The following SLIT3 variants were observed in gnomAD, a reference collection of about 807,000 sequenced individuals.
SLIT3 encodes the protein slit homolog 3 protein.
Under a neutral mutation model 184.0 loss-of-function variants are expected in SLIT3, and 68 were observed. The observed-to-expected ratio is 0.37, with a 90% CI of 0.30 to 0.45. The LOEUF is 0.45. Among genes scored for constraint, SLIT3 ranks in the 20% least tolerant of loss-of-function variants. The probability of loss-of-function intolerance (pLI) is 1.00; values close to 1 mark genes in which losing one functional copy is unlikely to be tolerated. For missense variants in SLIT3, 1,707 were observed against 2,026.0 expected (o/e 0.84, Z 3.02); for synonymous variants, 831 against 828.6 (o/e 1.00, Z -0.05).
chr5:169,279,438 G>T (rs62376943), intron 1 of SLIT3, among the ~76,000 whole-genome samples: 1 of 152,084 alleles, frequency 6.6e-6, no homozygotes, highest in African/African-American at 2.4e-5. Flanking sequence ...GAGGTTCTGA[G>T]TTAGGAACTA....
chr5:169,280,028 C>T (rs988158999), intron 1 of SLIT3, among the ~76,000 whole-genome samples: 2 of 152,334 alleles, frequency 1.3e-5, no homozygotes, highest in Middle Eastern at 3.4e-3. Context: ...GCCTGAGACT[C>T]GGAGATTTGC....
At chr5:169,263,194 C>A (rs1766258634) in intron 1 of SLIT3, among the ~76,000 whole-genome samples, 1 of 152,032 alleles carries the variant, frequency 6.6e-6, no homozygotes, top group African/African-American at 2.4e-5. Context: ...AAGAGAAAAC[C>A]AGCCAGGCAT....
At chr5:169,053,326 A>G (rs1490350047) in intron 4 of SLIT3, among the ~76,000 whole-genome samples, 1 of 152,246 alleles carries the variant, frequency 6.6e-6, no homozygotes, top group African/African-American at 2.4e-5. Context: ...AATTGAGTTC[A>G]GTAACTCAAT....
At chr5:168,734,370 C>A (rs955976885) in intron 20 of SLIT3, among the ~76,000 whole-genome samples, 30 of 152,130 alleles carry the variant, frequency 2.0e-4, no homozygotes, top group African/African-American at 7.2e-4. Flanking sequence ...CCTCTGGTTC[C>A]AACTCCACTG....
chr5:168,949,724 C>G (rs974587783), intron 4 of SLIT3, among the ~76,000 whole-genome samples: 2 of 152,112 alleles, frequency 1.3e-5, no homozygotes, highest in South Asian at 4.1e-4. Flanking sequence ...CTCATCCTCC[C>G]TAGTAGCTAG....
At chr5:168,898,543 A>G (rs939445048) in intron 4 of SLIT3, among the ~76,000 whole-genome samples, 1 of 152,218 alleles carries the variant, frequency 6.6e-6, no homozygotes, top group African/African-American at 2.4e-5. Context: ...TGAGATTTAT[A>G]CCAATGAATA....
At chr5:168,783,971 T>G (rs1457974828) in intron 12 of SLIT3, among the ~76,000 whole-genome samples, 1 of 152,204 alleles carries the variant, frequency 6.6e-6, no homozygotes, top group African/African-American at 2.4e-5. Context: ...TTGGTTCTAT[T>G]AACCTCATGG....
chr5:169,118,013 G>C (rs1760748962), intron 4 of SLIT3, among the ~76,000 whole-genome samples: 2 of 152,270 alleles, frequency 1.3e-5, no homozygotes, highest in South Asian at 4.1e-4. Flanking sequence ...CTTCCCACTT[G>C]AATATTTTTG....
At chr5:168,955,627 G>C (rs999450237) in intron 4 of SLIT3, among the ~76,000 whole-genome samples, 2 of 152,224 alleles carry the variant, frequency 1.3e-5, no homozygotes, top group African/African-American at 4.8e-5. Flanking sequence ...CTGCAAGGGG[G>C]CAGGCTTGGG....
At chr5:169,251,334 G>T in intron 2 of SLIT3, 54 bp downstream of exon 2, 3 of 1,257,452 alleles carry the variant, frequency 2.4e-6, no homozygotes, top group Non-Finnish European at 3.5e-6. Flanking sequence ...ACATTTTTTT[G>T]TGAGGCTGAA....
intron 4 of SLIT3, among the ~76,000 whole-genome samples, chr5:169,130,372 G>A (rs1761250601): frequency 6.6e-6 from 1 of 152,214 alleles, no homozygotes; most frequent in African/African-American, 2.4e-5. Flanking sequence ...CATCCTGGTG[G>A]AACTGTAGAA....
intron 13 of SLIT3, among the ~76,000 whole-genome samples, chr5:168,773,390 T>C: frequency 1.3e-5 from 2 of 152,288 alleles, no homozygotes; most frequent in Middle Eastern, 6.8e-3. Context: ...GGTATTGTTG[T>C]AATTATCCTT....
chr5:169,025,068 A>T (rs1048583504), intron 4 of SLIT3: 1 of 152,208 alleles, frequency 6.6e-6, no homozygotes, highest in Non-Finnish European at 1.5e-5. Flanking sequence ...AAAGTATAGG[A>T]AGACTCAGGA....
chr5:168,768,889 T>C (rs1755445268), intron 14 of SLIT3, among the ~76,000 whole-genome samples: 1 of 152,006 alleles, frequency 6.6e-6, no homozygotes, highest in African/African-American at 2.4e-5. Flanking sequence ...AGAGGAGCAG[T>C]GGGGTGTCAA....
chr5:168,875,299 A>G (rs1388616987), intron 5 of SLIT3, among the ~76,000 whole-genome samples: 1 of 151,460 alleles, frequency 6.6e-6, no homozygotes, highest in African/African-American at 2.4e-5. Context: ...AGGGAGGGAG[A>G]GAAAGAAAGA....
intron 5 of SLIT3, among the ~76,000 whole-genome samples, chr5:168,881,609 T>C (rs1759955686): frequency 1.3e-5 from 2 of 152,220 alleles, no homozygotes; most frequent in Admixed American, 1.3e-4. Context: ...TCTCATACCC[T>C]GACGTTCTGG....
rs574770086 is a variant in SLIT3, at chr5:169,285,926, C to T, written c.197+14587G>A. Reference sequence around the variant, plus strand: ...GCAGAAATAAGCCATCTCTACTGCACTACGACGTAGAGAATCATTGAGCAT... The same window carrying T: ...GCAGAAATAAGCCATCTCTACTGCATTACGACGTAGAGAATCATTGAGCAT... On this transcript the variant is annotated intron_variant, in intron 1 of 35. Coordinates refer to ENST00000519560, the MANE Select transcript of SLIT3 (RefSeq NM_003062.4). Among the ~76,000 whole-genome samples, 12 of 152,318 alleles carry T rather than the reference C, an allele frequency of 7.9e-5. No homozygotes were observed. The East Asian group carries it at 2.1e-3, about 27-fold the overall frequency.
chr5:169,299,958 C>G (rs541548886), intron 1 of SLIT3, among the ~76,000 whole-genome samples: 1 of 152,178 alleles, frequency 6.6e-6, no homozygotes, highest in South Asian at 2.1e-4. Flanking sequence ...GCGGGTTTTG[C>G]GAGCACCCAC....
At chr5:168,999,046 T>C (rs2113412772) in intron 4 of SLIT3, among the ~76,000 whole-genome samples, 1 of 152,240 alleles carries the variant, frequency 6.6e-6, no homozygotes. Context: ...CCCAAGTAGC[T>C]GGGATTACAG....
Sources: gnomAD v4.1 joint callset for allele counts (sites outside exome capture counted in the v4.1 genomes callset) on GRCh38, gnomAD v4.1.1 for gene constraint, MANE v1.5 for transcripts, NCBI Gene and HGNC (gene_info 2026-07-23, HGNC 2026-07-21) for gene names.